CA5A: variants seen among roughly 807,000 people sequenced by gnomAD.
The protein encoded by CA5A is carbonic anhydrase 5A, mitochondrial.
CA5A carries 28 observed loss-of-function variants against 37.1 expected under a neutral mutation model. The observed-to-expected ratio is 0.75, with a 90% CI of 0.56 to 1.03. CA5A has a LOEUF of 1.03. Among genes scored for constraint, CA5A ranks in the 50% least tolerant of loss-of-function variants. The probability of loss-of-function intolerance (pLI) is 0.00; values close to 1 mark genes in which losing one functional copy is unlikely to be tolerated. For synonymous variants in CA5A, 171 were observed against 158.4 expected (o/e 1.08, Z -0.60); for missense variants, 444 against 399.9 (o/e 1.11, Z -0.94).
Position 87,926,917 on chromosome 16 carries a change from G to A in CA5A, c.171C>T (p.Ser57=), listed in dbSNP as rs752867211. 52 of 1,594,754 alleles carry A rather than the reference G, an allele frequency of 3.3e-5. No homozygotes were observed. The highest frequency in any genetic ancestry group is 4.3e-5 in the Non-Finnish European group (50 of 1,169,628). ...TLHPLWTVPV[S]VPGGTRQSPI... ...GAGACTGCCGGGTGCCCCCTGGCAC[G>A]GAGACCGGGACCGTCCAGAGTGGGT... The change falls in exon 2 of 7, where the codon TCC becomes TCT. Residue 57 remains serine (S), a synonymous_variant. Transcript: ENST00000649794.
intron 3 of CA5A, among the ~76,000 whole-genome samples, chr16:87,904,574 G>A (rs554012734): frequency 7.2e-5 from 11 of 152,104 alleles, no homozygotes; most frequent in African/African-American, 1.7e-4. Flanking sequence ...CTCTTCTTCC[G>A]TTAAATGAGA....
intron 1 of CA5A, among the ~76,000 whole-genome samples, chr16:87,930,028 G>A (rs1047809054): frequency 2.0e-5 from 3 of 152,162 alleles, no homozygotes; most frequent in Non-Finnish European, 4.4e-5. Context: ...GGGAGATAAA[G>A]GTGATGATAG....
intron 5 of CA5A, among the ~76,000 whole-genome samples, chr16:87,896,924 G>A (rs2055810699): frequency 6.6e-6 from 1 of 152,264 alleles, no homozygotes; most frequent in South Asian, 2.1e-4. Context: ...ATAGGCGTGA[G>A]CCACGCTCTG....
chr16:87,897,897 G>A (rs56115428), intron 5 of CA5A, among the ~76,000 whole-genome samples: 30,436 of 152,156 alleles, frequency 0.2, 3,238 homozygotes, highest in South Asian at 0.27. Flanking sequence ...AACCCCTTCC[G>A]CCGAGGTGTA....
chr16:87,905,095 C>A (rs539734802), intron 2 of CA5A, among the ~76,000 whole-genome samples, 191 bp from the exon 3 acceptor site: 5 of 152,006 alleles, frequency 3.3e-5, no homozygotes, highest in East Asian at 3.9e-4. Flanking sequence ...CTGCCCCCCC[C>A]CAGCCCAGCG....
At chr16:87,910,272 G>A (rs897690732) in intron 2 of CA5A, among the ~76,000 whole-genome samples, 1 of 152,190 alleles carries the variant, frequency 6.6e-6, no homozygotes, top group Admixed American at 6.5e-5. Context: ...GAGTGCAGCG[G>A]AGGAGCTGGC....
chr16:87,893,416 C>T, intron 5 of CA5A: 2 of 493,270 alleles, frequency 4.1e-6, no homozygotes, highest in South Asian at 3.0e-5. Context: ...CGTGAGCCAC[C>T]ACGCCCGGCT....
intron 2 of CA5A, chr16:87,923,564 C>G: frequency 1.0e-6 from 1 of 985,410 alleles, no homozygotes; most frequent in Non-Finnish European, 1.2e-6. Context: ...CCTGGGGCCC[C>G]CTGTTCCCCA....
chr16:87,925,786 C>T (rs999859809), intron 2 of CA5A, among the ~76,000 whole-genome samples: 1 of 152,142 alleles, frequency 6.6e-6, no homozygotes, highest in Non-Finnish European at 1.5e-5. Context: ...GCTTTCAGGA[C>T]CTCTCAAGTC....
At chr16:87,898,998 G>A (rs6540096) in intron 5 of CA5A, among the ~76,000 whole-genome samples, 27,494 of 152,074 alleles carry the variant, frequency 0.18, 2,703 homozygotes, top group South Asian at 0.29. Flanking sequence ...GTCTCCCTAA[G>A]TGCTGGGGTT....
downstream of CA5A, chr16:87,887,975 C>T: frequency 4.2e-6 from 5 of 1,187,988 alleles, no homozygotes; most frequent in Non-Finnish European, 5.8e-6. Flanking sequence ...ACACATCTTT[C>T]TTTCACTTGC....
chr16:87,892,559 T>A (rs1480463481), intron 5 of CA5A, among the ~76,000 whole-genome samples: 1 of 116,980 alleles, frequency 8.5e-6, no homozygotes, highest in East Asian at 2.5e-4. Context: ...TAATAATAAA[T>A]TAATTAATAA....
At chr16:87,902,710 T>C (rs2055896425) in intron 3 of CA5A, among the ~76,000 whole-genome samples, 190 bp from the exon 4 acceptor site, 1 of 149,446 alleles carries the variant, frequency 6.7e-6, no homozygotes, top group African/African-American at 2.5e-5. Context: ...ATCGAGACCA[T>C]GCTGGCTAAC....
downstream of CA5A, chr16:87,885,811 G>A (rs1166956958): frequency 6.6e-6 from 1 of 152,204 alleles, no homozygotes; most frequent in Non-Finnish European, 1.5e-5. Flanking sequence ...CCCTGTAGAA[G>A]AGACCTCCCC....
rs550427794 is a variant in CA5A, at chr16:87,903,396, G to A, written c.460-876C>T. ...CAGTGAGCCAAGATCGTGAGATAGC[G>A]CCACTGCACTCCAGCCTAGGCAACA... On this transcript the variant is annotated intron_variant, in intron 3 of 6. Transcript: ENST00000649794. 8.5e-5 allele frequency among the ~76,000 whole-genome samples: 13 copies of A among 152,230 alleles called. No homozygotes were observed. The East Asian group carries it at 9.6e-4, about 11-fold the overall frequency.
At chr16:87,902,924 A>AG (rs2055901358) in intron 3 of CA5A, among the ~76,000 whole-genome samples, 1 of 151,762 alleles carries the variant, frequency 6.6e-6, no homozygotes, top group East Asian at 1.9e-4. Flanking sequence ...AAAAAAAAAA[A>AG]AAAAGAACTA....
At chr16:87,929,333 TC>T (rs2056363561) in intron 1 of CA5A, among the ~76,000 whole-genome samples, 1 of 149,700 alleles carries the variant, frequency 6.7e-6, no homozygotes, top group Non-Finnish European at 1.5e-5. Context: ...ATGCCTGTAA[TC>T]CCAGCTACCG....
intron 2 of CA5A, among the ~76,000 whole-genome samples, chr16:87,912,746 C>T (rs1345709155): frequency 1.3e-5 from 2 of 152,224 alleles, no homozygotes; most frequent in Non-Finnish European, 1.5e-5. Flanking sequence ...GTGGAAGCGG[C>T]GTTTCAGTGG....
chr16:87,931,758 G>A (rs546219214), intron 1 of CA5A, among the ~76,000 whole-genome samples: 1 of 152,184 alleles, frequency 6.6e-6, no homozygotes, highest in Non-Finnish European at 1.5e-5. Flanking sequence ...CTAAGCCGGC[G>A]CTGGGAAACA....
Sources: gnomAD v4.1 joint callset for allele counts (sites outside exome capture counted in the v4.1 genomes callset) on GRCh38, gnomAD v4.1.1 for gene constraint, MANE v1.5 for transcripts, NCBI Gene and HGNC (gene_info 2026-07-23, HGNC 2026-07-21) for gene names.